CROCC2: variants seen among roughly 807,000 people sequenced by gnomAD.
The protein encoded by CROCC2 is ciliary rootlet coiled-coil protein 2.
In CROCC2, 163 loss-of-function variants were observed where a neutral mutation model predicts 177.6. The observed-to-expected ratio is 0.92, with a 90% CI of 0.81 to 1.05. The LOEUF (loss-of-function observed/expected upper bound fraction) is 1.05. Among genes scored for constraint, CROCC2 ranks in the 50% least tolerant of loss-of-function variants. The pLI is 0.00. For missense variants in CROCC2, 1,929 were observed against 1,797.8 expected (o/e 1.07, Z -1.32); for synonymous variants, 904 against 787.3 (o/e 1.15, Z -2.48).
chr2:240,930,303 C>T (rs2059420258), intron 6 of CROCC2, 34 bp downstream of exon 6: 1 of 492,260 alleles, frequency 2.0e-6, no homozygotes, highest in South Asian at 3.6e-5. Flanking sequence ...GGGCCAGGCA[C>T]CAGGCTGCAG....
intron 7 of CROCC2, among the ~76,000 whole-genome samples, chr2:240,932,035 T>G (rs148620889): frequency 9.5e-4 from 145 of 152,340 alleles, no homozygotes; most frequent in African/African-American, 3.3e-3. Context: ...CTCCCTCTGT[T>G]GTGCCACAAG....
chr2:240,976,049 A>G (rs2059761216), intron 27 of CROCC2, among the ~76,000 whole-genome samples: 2 of 152,200 alleles, frequency 1.3e-5, no homozygotes, highest in Non-Finnish European at 2.9e-5. Context: ...TTTTGGTCTC[A>G]ACGAGACCCC....
chr2:240,917,213 C>T lies in CROCC2; in HGVS notation c.79-1513C>T, dbSNP rs1184616354. Among the ~76,000 whole-genome samples, 3 of 149,678 alleles carry T rather than the reference C, an allele frequency of 2.0e-5. No individual in the cohort carries two copies. The highest frequency in any genetic ancestry group is 4.1e-4 in the East Asian group (2 of 4,914). ...TGGGGAGGCGTTTGCTGAGTGGCTGCCCTTTGCAGGGCAGCAGAGTCGGAA... is the reference window on the plus strand; with the variant it reads ...TGGGGAGGCGTTTGCTGAGTGGCTGTCCTTTGCAGGGCAGCAGAGTCGGAA... On this transcript the variant is annotated intron_variant, in intron 1 of 31. Transcript: ENST00000690015. The surrounding 1 kb of genome is among the most constrained non-coding windows in gnomAD (Gnocchi z 4.9).
chr2:240,985,727 T>TCA (rs2059836274), intron 28 of CROCC2, among the ~76,000 whole-genome samples: 1 of 42,064 alleles, frequency 2.4e-5, no homozygotes, highest in Non-Finnish European at 4.6e-5. Context: ...ACCCAGGCAC[T>TCA]CACTCCACAC....
At chr2:240,927,158 C>T (rs947038226) in intron 5 of CROCC2, among the ~76,000 whole-genome samples, 1 of 152,238 alleles carries the variant, frequency 6.6e-6, no homozygotes, top group African/African-American at 2.4e-5. Flanking sequence ...AAGTCAGCTT[C>T]CAGGCTGCCT....
intron 14 of CROCC2, among the ~76,000 whole-genome samples, chr2:240,941,724 C>T (rs1281252575): frequency 6.6e-6 from 1 of 151,872 alleles, no homozygotes; most frequent in Admixed American, 6.6e-5. Context: ...TATTACTTCA[C>T]AAACAATGTA....
intron 5 of CROCC2, 84 bp from the exon 6 acceptor site, chr2:240,930,081 AG>A (rs977807298): frequency 1.9e-6 from 1 of 514,794 alleles, no homozygotes; most frequent in Non-Finnish European, 3.6e-6. Context: ...CCCCATGGAG[AG>A]GGACATGCAC....
rs1290068332 is a variant in CROCC2, at chr2:240,968,206, G to A, written c.4345G>A (p.Glu1449Lys). The A allele has an allele frequency of 2.0e-6, 3 of 1,533,212 alleles. No individual in the cohort carries two copies. The highest frequency in any genetic ancestry group is 2.0e-4 in the Middle Eastern group (1 of 4,920). 95.0% of individuals were successfully genotyped at this position (1,533,212 alleles called of 1,614,324 possible). Residue 1449 changes from glutamate to lysine, a missense_variant, in exon 27 of 32, where the codon GAG becomes AAG. Physicochemically the swap from Glu to Lys is moderately conservative, Grantham distance 56. This residue lies in a region of CROCC2 where 388 missense variants were observed against 352.7 expected (regional missense o/e 1.10). Coordinates refer to ENST00000690015, the MANE Select transcript of CROCC2 (RefSeq NM_001351305.2). The stretch of plus-strand genomic sequence containing the variant: ...GCAGAAGGAGGCGCTCCGCAGGCTG[G>A]AGTTGGAGCACCTGGCGAGCGTGCG... Reference protein sequence around the residue: ...ALQKEALRRLELEHLASVRAA... With the variant: ...ALQKEALRRLKLEHLASVRAA...
intron 3 of CROCC2, among the ~76,000 whole-genome samples, chr2:240,921,499 G>A (rs906474110): frequency 3.3e-5 from 5 of 152,184 alleles, no homozygotes; most frequent in Admixed American, 1.3e-4. Flanking sequence ...AGGCCAGTGG[G>A]AATAGAAGCC....
chr2:240,910,098 C>T (rs540243815), intron 1 of CROCC2, among the ~76,000 whole-genome samples: 1 of 152,318 alleles, frequency 6.6e-6, no homozygotes, highest in East Asian at 1.9e-4. Flanking sequence ...AGAATGCCCC[C>T]ACCCTGGAGC....
chr2:240,984,593 TCACTCCACACACACCCAGGCAC>T (rs2059823985), intron 28 of CROCC2, among the ~76,000 whole-genome samples: 1 of 58,586 alleles, frequency 1.7e-5, no homozygotes, highest in South Asian at 6.4e-4. Flanking sequence ...ACCCAGGCAC[TCACTCCACACACACCCAGGCAC>T]TCACTCCACA....
chr2:240,919,890 G>GGCC, intron 2 of CROCC2, 93 bp from the exon 3 acceptor site: 18 of 591,326 alleles, frequency 3.0e-5, no homozygotes, highest in East Asian at 6.2e-5. Context: ...GAGCCTGGTG[G>GGCC]CCAGCCCAGG....
chr2:240,943,778 C>T (rs2059507299), intron 14 of CROCC2, among the ~76,000 whole-genome samples: 1 of 152,096 alleles, frequency 6.6e-6, no homozygotes, highest in Admixed American at 6.5e-5. Context: ...CCAAGCCCGG[C>T]CTAAAGCTTT....
chr2:240,989,602 T>C, intron 29 of CROCC2, 52 bp from the exon 30 acceptor site: 1 of 1,486,608 alleles, frequency 6.7e-7, no homozygotes, highest in Non-Finnish European at 9.1e-7. Flanking sequence ...CCTGGGATTC[T>C]GTGCGGCCCT....
At chr2:240,946,572 A>G (rs1240252297) in intron 15 of CROCC2, among the ~76,000 whole-genome samples, 2 of 152,194 alleles carry the variant, frequency 1.3e-5, no homozygotes, top group East Asian at 3.9e-4. Context: ...GGTGAATCCA[A>G]CTTCAGGTAT....
chr2:240,988,635 T>C lies in CROCC2; in HGVS notation c.4552-104T>C, dbSNP rs928385188. ...CTGACGCTGCCAGCTCTTAGGGGAA[T>C]TCAGAGTCCTTCCCAGAGGCAACCC... is the stretch of plus-strand genomic sequence containing the variant. On this transcript the variant is annotated intron_variant, in intron 28 of 31. Transcript: ENST00000690015. 8 of 1,192,304 alleles carry C rather than the reference T, an allele frequency of 6.7e-6. No individual in the cohort carries two copies. In the East Asian group the frequency reaches 1.9e-4, roughly 28 times the overall value. 73.9% of individuals were successfully genotyped at this position (1,192,304 alleles called of 1,614,324 possible).
rs10165633 is a variant in CROCC2 at position 240,907,006 on chromosome 2, C to T, written c.78+415C>T. Among the ~76,000 whole-genome samples the T allele has an allele frequency of 4.5e-4, 25 of 55,552 alleles. No homozygotes were observed. The East Asian group carries it at 4.7e-3, about 10-fold the overall frequency. 36.4% of individuals were successfully genotyped at this position (55,552 alleles called of 152,430 possible). A position where few individuals can be genotyped will look rare whatever the true frequency, so the allele number is the denominator to read the frequency against. On this transcript the variant is annotated intron_variant, in intron 1 of 31. Transcript: ENST00000690015. ...GCCCGGGGCCGCTGCTGGCTGTGGA[C>T]GTTCAGGTGACTGGCGTCCCTGGCA...
chr2:240,915,114 G>C (rs2059311539), intron 1 of CROCC2, among the ~76,000 whole-genome samples: 1 of 152,224 alleles, frequency 6.6e-6, no homozygotes, highest in Non-Finnish European at 1.5e-5. Context: ...TGGAGAGCTG[G>C]GGTCGTGTCC....
In CROCC2 at chr2:240,983,518, G is replaced by C. The variant is rs981185442; in HGVS notation, c.4551+489G>C. ...TCCTGCAGGAGCAGACGGCGGCGCTGCGCACCGAGCGGGCGCGTCTGCAGG... is the reference window on the plus strand; with the variant it reads ...TCCTGCAGGAGCAGACGGCGGCGCTCCGCACCGAGCGGGCGCGTCTGCAGG... On this transcript the variant is annotated intron_variant, in intron 28 of 31. Transcript: ENST00000690015. 16 of 1,250,860 alleles carry C rather than the reference G, an allele frequency of 1.3e-5. No individual in the cohort carries two copies. The African/African-American group carries it at 2.4e-4, about 19-fold the overall frequency. The allele number at this position is 1,250,860 out of a possible 1,614,324, so 77.5% of individuals were successfully genotyped here.
Sources: gnomAD v4.1 joint callset for allele counts (sites outside exome capture counted in the v4.1 genomes callset) on GRCh38, gnomAD v4.1.1 for gene constraint, gnomAD v4.1.1 regional missense constraint, Gnocchi (gnomAD v3.1) non-coding constraint, MANE v1.5 for transcripts, NCBI Gene and HGNC (gene_info 2026-07-23, HGNC 2026-07-21) for gene names.